The following FBLN1 variants were observed in gnomAD, a reference collection of about 807,000 sequenced individuals.
FBLN1 encodes the protein fibulin-1.
A neutral mutation model predicts 89.7 loss-of-function variants in FBLN1; 34 were observed. The observed-to-expected ratio is 0.38, with a 90% CI of 0.29 to 0.50. The LOEUF is 0.50. Among genes scored for constraint, FBLN1 ranks in the 20% least tolerant of loss-of-function variants. FBLN1 has a pLI of 0.92. For synonymous variants in FBLN1, 393 were observed against 391.3 expected, an observed-to-expected ratio of 1.00 and a Z score of -0.05; for missense variants, 777 against 988.1, an observed-to-expected ratio of 0.79 and a Z score of 2.86.
chr22:45,551,903 T>G (rs1223879655), intron 14 of FBLN1, among the ~76,000 whole-genome samples: 1 of 152,184 alleles, frequency 6.6e-6, no homozygotes, highest in Non-Finnish European at 1.5e-5. Context: ...ATTTCTAACT[T>G]GCGCACAGTC....
At chr22:45,552,838 A>G (rs1000545177) in intron 14 of FBLN1, among the ~76,000 whole-genome samples, 1 of 152,016 alleles carries the variant, frequency 6.6e-6, no homozygotes, top group African/African-American at 2.4e-5. Context: ...TGCCCACACA[A>G]TTCCCTTCTG....
rs2088397696 is a variant in FBLN1 at position 45,530,919 on chromosome 22, A to C, written c.485-346A>C. Reference sequence around the variant, plus strand: ...CCTGAGATTACAGGTGCATGCCGCTACACCTGGCTAATTTTTGTATTTTTA... The same window carrying C: ...CCTGAGATTACAGGTGCATGCCGCTCCACCTGGCTAATTTTTGTATTTTTA... On this transcript the variant is annotated intron_variant, in intron 4 of 16. Transcript: ENST00000327858. This position sits in a 1 kb window ranked among gnomAD's most constrained non-coding sequence, Gnocchi z 5.4. Among the ~76,000 whole-genome samples the C allele has an allele frequency of 6.6e-6, 1 of 152,084 alleles. No homozygotes were observed. Among genetic ancestry groups the C allele is most frequent in the Admixed American group, 6.5e-5 (1 of 15,276 alleles).
rs1374871270 is a variant in FBLN1, at chr22:45,575,251, G to A, written c.1840+598G>A. ...TCTGTGACCAGCACTGGAGAATCAG[G>A]GAGGGCCTCCGGGAGGAAGTGATGG... is the stretch of plus-strand genomic sequence containing the variant. On this transcript the variant is annotated intron_variant, in intron 15 of 16. Transcript: ENST00000327858. This position sits in a 1 kb window ranked among gnomAD's most constrained non-coding sequence, Gnocchi z 6.3. 6.6e-6 allele frequency among the ~76,000 whole-genome samples: 1 copy of A among 152,146 alleles called. No homozygotes were observed. The highest frequency in any genetic ancestry group is 2.4e-5 in the African/African-American group (1 of 41,434).
chr22:45,551,656 G>T (rs2088703351), intron 14 of FBLN1, among the ~76,000 whole-genome samples: 1 of 152,222 alleles, frequency 6.6e-6, no homozygotes, highest in South Asian at 2.1e-4. Flanking sequence ...CCTGAGCTTG[G>T]GTTAGGAAAA....
At position 45,547,132 on chromosome 22, in the gene FBLN1, G is replaced by A. The variant is rs367929911; in HGVS notation, c.1369G>A (p.Val457Ile). ...CCCCTGTAGCCAGGAGTGTGCCAAC[G>A]TCTACGGCTCCTACCAGTGTTACTG... ...SSPCSQECAN[V>I]YGSYQCYCRR... Residue 457 changes from valine to isoleucine, a missense_variant, in exon 12 of 17, where the codon GTC (valine) becomes ATC (isoleucine). Physicochemically the swap from Val to Ile is conservative, Grantham distance 29. Coordinates refer to ENST00000327858, the MANE Select transcript of FBLN1 (RefSeq NM_006486.3). 363 of 1,614,116 alleles carry A rather than the reference G, an allele frequency of 2.2e-4. 4 individuals carry two copies. In the South Asian group the frequency reaches 3.3e-3, roughly 14 times the overall value.
chr22:45,527,059 G>A (rs977478407), intron 3 of FBLN1, among the ~76,000 whole-genome samples: 10 of 152,198 alleles, frequency 6.6e-5, no homozygotes, highest in Non-Finnish European at 1.2e-4. Context: ...TTCTGGCAGC[G>A]GAGGGCGTAG....
In FBLN1 at chr22:45,580,518, G is replaced by C. The variant is rs1210888171; in HGVS notation, c.1972+3410G>C. 6.6e-6 allele frequency among the ~76,000 whole-genome samples: 1 copy of C among 152,294 alleles called. No homozygotes were observed. The highest frequency in any genetic ancestry group is 1.5e-5 in the Non-Finnish European group (1 of 68,024). On this transcript the variant is annotated intron_variant, in intron 16 of 16. Transcript: ENST00000327858. This position sits in a 1 kb window ranked among gnomAD's most constrained non-coding sequence, Gnocchi z 8.6. ...GACCAGGAGCCAGGGTTTCATCATC[G>C]CCAGGACCCTGTGACACGGTGGGAT...
Position 45,550,851 on chromosome 22 carries a change from C to A in FBLN1, c.1697+236C>A. 1.7e-6 allele frequency: 1 copy of A among 603,736 alleles called. No homozygotes were observed. The highest frequency in any genetic ancestry group is 1.9e-5 in the South Asian group (1 of 53,732). The allele number at this position is 603,736 out of a possible 1,614,324, so 37.4% of individuals were successfully genotyped here. On this transcript the variant is annotated intron_variant, in intron 14 of 16. Transcript: ENST00000327858. The surrounding 1 kb of genome is among the most constrained non-coding windows in gnomAD (Gnocchi z 8.4). ...TGGGGTCTATAGTCATGTTTTCAGG[C>A]CAAGGCTGTGCACAGAACCAGGAGA...
intron 2 of FBLN1, 88 bp downstream of exon 2, chr22:45,518,875 T>C (rs1182824541): frequency 2.5e-6 from 3 of 1,211,700 alleles, no homozygotes; most frequent in Non-Finnish European, 3.6e-6. Context: ...GCCAGACCTC[T>C]CGGGAGAGGC....
rs2089193229 is a variant in FBLN1 at position 45,597,001 on chromosome 22, A to T, written c.1973-3306A>T. Among the ~76,000 whole-genome samples the T allele has an allele frequency of 6.6e-6, 1 of 151,366 alleles. No homozygotes were observed. Among genetic ancestry groups the T allele is most frequent in the Admixed American group, 6.6e-5 (1 of 15,168 alleles). On this transcript the variant is annotated intron_variant, in intron 16 of 16. Coordinates refer to ENST00000327858, the MANE Select transcript of FBLN1 (RefSeq NM_006486.3). This position sits in a 1 kb window ranked among gnomAD's most constrained non-coding sequence, Gnocchi z 4.2. Reference sequence around the variant, plus strand: ...TATACAGAAATATAATAATAACAGAAATAGATCTCTTTTTTTTTGGGACAG... The same window carrying T: ...TATACAGAAATATAATAATAACAGATATAGATCTCTTTTTTTTTGGGACAG...
intron 1 of FBLN1, among the ~76,000 whole-genome samples, chr22:45,506,538 C>T (rs774344461): frequency 5.3e-5 from 8 of 151,994 alleles, no homozygotes; most frequent in South Asian, 2.1e-4. Context: ...GAAGACTTCC[C>T]GGAGGAAGCG....
At chr22:45,514,117 T>C (rs1201119228) in intron 1 of FBLN1, among the ~76,000 whole-genome samples, 3 of 152,072 alleles carry the variant, frequency 2.0e-5, no homozygotes, top group African/African-American at 7.2e-5. Flanking sequence ...AGAGACAACT[T>C]TTTTTCGTTT....
chr22:45,562,098 AGT>A lies in FBLN1; in HGVS notation c.1697+11484_1697+11485del, dbSNP rs1168030365. ...TACTTTGTATCCTTCAATCCAATCA[AGT>A]TGACACTATTAACCATCACAGGACC... On this transcript the variant is annotated intron_variant, in intron 14 of 16. Coordinates refer to ENST00000327858, the MANE Select transcript of FBLN1 (RefSeq NM_006486.3). This position sits in a 1 kb window ranked among gnomAD's most constrained non-coding sequence, Gnocchi z 7.8. Among the ~76,000 whole-genome samples the A allele has an allele frequency of 6.6e-6, 1 of 152,156 alleles. No homozygotes were observed. The highest frequency in any genetic ancestry group is 1.5e-5 in the Non-Finnish European group (1 of 68,026).
intron 14 of FBLN1, among the ~76,000 whole-genome samples, chr22:45,567,079 T>A (rs1184759534): frequency 6.6e-6 from 1 of 152,242 alleles, no homozygotes; most frequent in Non-Finnish European, 1.5e-5. Flanking sequence ...ACAGCTGGTT[T>A]CCAGTGGCAC....
rs1292057285 is a variant in FBLN1, at chr22:45,502,961, GC to G, written c.-22del. ...CGCGCCCGCGCCTTTGTCCGCCGCC[GC>G]CCACCGCCCGTCGCCCGCCGCCCAT... On this transcript the variant is annotated 5_prime_UTR_variant, in exon 1 of 17. Coordinates refer to ENST00000327858, the MANE Select transcript of FBLN1 (RefSeq NM_006486.3). The G allele has an allele frequency of 9.2e-7, 1 of 1,085,250 alleles. No homozygotes were observed. The highest frequency in any genetic ancestry group is 1.1e-6 in the Non-Finnish European group (1 of 885,138). 67.2% of individuals were successfully genotyped at this position (1,085,250 alleles called of 1,614,324 possible).
Position 45,598,604 on chromosome 22 carries a change from G to A in FBLN1, c.1973-1703G>A, listed in dbSNP as rs146267854. Among the ~76,000 whole-genome samples, 691 of 152,198 alleles carry A rather than the reference G, an allele frequency of 4.5e-3. 5 individuals are homozygous for A. Among genetic ancestry groups the A allele is most frequent in the African/African-American group, 0.016 (659 of 41,520 alleles). ...CCTCCCCACCTCCATTCTCGCCCCC[G>A]CTGGACAATGCACACCCTCCATCAG... On this transcript the variant is annotated intron_variant, in intron 16 of 16. Coordinates refer to ENST00000327858, the MANE Select transcript of FBLN1 (RefSeq NM_006486.3).
At chr22:45,558,069 A>C in intron 14 of FBLN1, 1 of 716,762 alleles carries the variant, frequency 1.4e-6, no homozygotes, top group Non-Finnish European at 2.6e-6. Flanking sequence ...TTCCTCTGTC[A>C]GATGATCGTA....
chr22:45,543,295 T>C, intron 10 of FBLN1, 106 bp from the exon 11 acceptor site: 2 of 1,361,390 alleles, frequency 1.5e-6, no homozygotes, highest in Non-Finnish European at 2.1e-6. Context: ...GAAATGAGGC[T>C]GGAGGAGGTG....
intron 1 of FBLN1, among the ~76,000 whole-genome samples, chr22:45,514,323 C>A (rs962873000): frequency 6.6e-6 from 1 of 152,150 alleles, no homozygotes; most frequent in Non-Finnish European, 1.5e-5. Context: ...GCAGATAGTA[C>A]TTTTGTTGGC....
Sources: allele counts gnomAD v4.1 joint callset (sites outside exome capture counted in the v4.1 genomes callset), GRCh38; gene constraint gnomAD v4.1.1; non-coding constraint Gnocchi (gnomAD v3.1); transcripts MANE v1.5; gene names NCBI Gene and HGNC (gene_info 2026-07-23, HGNC 2026-07-21).